The following CGNL1 variants were observed in gnomAD, a reference collection of about 807,000 sequenced individuals.
CGNL1 encodes the protein cingulin-like protein 1.
In CGNL1, 132 loss-of-function variants were observed where a neutral mutation model predicts 141.2. The ratio of observed to expected loss-of-function variants is 0.93; its 90% CI spans 0.81 to 1.08. CGNL1 has a LOEUF of 1.08. Among genes scored for constraint, CGNL1 ranks in the 50% least tolerant of loss-of-function variants. The pLI, the probability that CGNL1 is intolerant of heterozygous loss-of-function variation, is 0.00. For missense variants in CGNL1, 1,870 were observed against 1,588.6 expected, an observed-to-expected ratio of 1.18 and a Z score of -3.01; for synonymous variants, 690 against 622.1, an observed-to-expected ratio of 1.11 and a Z score of -1.63.
At chr15:57,519,840 C>T (rs1371400323) in intron 10 of CGNL1, among the ~76,000 whole-genome samples, 1 of 152,158 alleles carries the variant, frequency 6.6e-6, no homozygotes, top group African/African-American at 2.4e-5. Flanking sequence ...CACCAAGTCC[C>T]CGGTGCAGCT....
intron 8 of CGNL1, among the ~76,000 whole-genome samples, chr15:57,496,936 C>T (rs1411300897): frequency 6.6e-6 from 1 of 152,160 alleles, no homozygotes; most frequent in Non-Finnish European, 1.5e-5. Flanking sequence ...GGGCCAGGCA[C>T]AGCAACAGCT....
intron 1 of CGNL1, among the ~76,000 whole-genome samples, chr15:57,396,452 T>G (rs1268396145): frequency 1.4e-4 from 21 of 152,114 alleles, no homozygotes; most frequent in Non-Finnish European, 2.2e-4. Flanking sequence ...TTTTAATTTT[T>G]AAAAGAGACA....
chr15:57,544,709 G>A, intron 16 of CGNL1, 112 bp downstream of exon 16: 1 of 1,278,878 alleles, frequency 7.8e-7, no homozygotes, highest in Admixed American at 2.4e-5. Context: ...CTGTGAGGAA[G>A]GCAGAGCAAC....
intron 8 of CGNL1, among the ~76,000 whole-genome samples, chr15:57,480,985 C>CT (rs1595749470): frequency 6.7e-6 from 1 of 149,304 alleles, no homozygotes; most frequent in East Asian, 2.0e-4. Flanking sequence ...AATGCCTTCT[C>CT]TTTGTATCCA....
At chr15:57,547,283 C>A in intron 18 of CGNL1, 72 bp from the exon 19 acceptor site, 1 of 1,567,844 alleles carries the variant, frequency 6.4e-7, no homozygotes, top group Non-Finnish European at 8.7e-7. Flanking sequence ...ACCCAAAACC[C>A]TCCCTTTAAG....
At chr15:57,435,622 T>A (rs549857205) in intron 1 of CGNL1, among the ~76,000 whole-genome samples, 1 of 152,284 alleles carries the variant, frequency 6.6e-6, no homozygotes, top group East Asian at 1.9e-4. Context: ...GAGTTGTTCC[T>A]ATCTTTAAAG....
intron 8 of CGNL1, among the ~76,000 whole-genome samples, chr15:57,493,861 A>G (rs899771127): frequency 6.6e-6 from 1 of 152,254 alleles, no homozygotes; most frequent in Non-Finnish European, 1.5e-5. Context: ...AATAAAAAGT[A>G]GTTATGGAGC....
At chr15:57,399,766 G>A (rs1343100395) in intron 1 of CGNL1, among the ~76,000 whole-genome samples, 2 of 152,052 alleles carry the variant, frequency 1.3e-5, no homozygotes, top group Non-Finnish European at 2.9e-5. Context: ...CACTCTGGGC[G>A]GGGAGCCTCC....
intron 17 of CGNL1, 68 bp from the exon 18 acceptor site, chr15:57,546,008 C>T (rs2032842950): frequency 6.5e-7 from 1 of 1,538,230 alleles, no homozygotes; most frequent in Non-Finnish European, 8.8e-7. Context: ...GTGGCTGGAC[C>T]TGGGGTAAGC....
At chr15:57,379,602 T>C (rs77962859) in intron 1 of CGNL1, among the ~76,000 whole-genome samples, 15,338 of 152,190 alleles carry the variant, frequency 0.1, 880 homozygotes, top group Admixed American at 0.16. Context: ...AATATCCAAC[T>C]GATTTTATGC....
chr15:57,514,755 T>C (rs932781644), intron 8 of CGNL1, among the ~76,000 whole-genome samples: 3 of 152,222 alleles, frequency 2.0e-5, no homozygotes, highest in African/African-American at 7.2e-5. Flanking sequence ...GGGCCTATGA[T>C]CCATTTTGAG....
chr15:57,441,550 G>A (rs1193253464), intron 3 of CGNL1, among the ~76,000 whole-genome samples: 1 of 152,002 alleles, frequency 6.6e-6, no homozygotes, highest in East Asian at 1.9e-4. Flanking sequence ...TGTATTTTTA[G>A]TAGAGACACA....
intron 14 of CGNL1, among the ~76,000 whole-genome samples, chr15:57,537,468 T>C (rs1286451089): frequency 1.3e-5 from 2 of 152,052 alleles, no homozygotes; most frequent in Non-Finnish European, 1.5e-5. Context: ...GAAATGCTCC[T>C]AATCTCAGAA....
At chr15:57,376,717 C>G (rs1026777832) in intron 1 of CGNL1, 150 bp downstream of exon 1, 6 of 151,536 alleles carry the variant, frequency 4.0e-5, no homozygotes, top group African/African-American at 1.5e-4. Context: ...CTCGGTGACC[C>G]GCGCCGCGCG....
intron 8 of CGNL1, among the ~76,000 whole-genome samples, chr15:57,509,210 A>G (rs2016768368): frequency 1.3e-5 from 2 of 152,188 alleles, no homozygotes; most frequent in South Asian, 4.1e-4. Flanking sequence ...AGTACCTCTC[A>G]GCTGGGATCC....
intron 1 of CGNL1, among the ~76,000 whole-genome samples, chr15:57,396,277 G>GTTT (rs57154500): frequency 2.3e-5 from 3 of 129,218 alleles, no homozygotes; most frequent in African/African-American, 5.9e-5. Context: ...TTCTTTCTTT[G>GTTT]TTTTTTTTTT....
chr15:57,453,862 G>T (rs751587530), intron 7 of CGNL1, 44 bp downstream of exon 7: 1 of 1,606,486 alleles, frequency 6.2e-7, no homozygotes, highest in African/African-American at 1.3e-5. Context: ...GGCCCCACCT[G>T]CCTGGAAAGA....
intron 1 of CGNL1, among the ~76,000 whole-genome samples, chr15:57,436,459 G>T (rs1479069915): frequency 1.3e-5 from 2 of 152,220 alleles, no homozygotes; most frequent in Admixed American, 1.3e-4. Flanking sequence ...TGGAAAGATA[G>T]AAGGGGTGCT....
At chr15:57,504,184 C>A (rs1162477181) in intron 8 of CGNL1, among the ~76,000 whole-genome samples, 3 of 152,198 alleles carry the variant, frequency 2.0e-5, no homozygotes, top group African/African-American at 7.2e-5. Flanking sequence ...ACAGTGCACG[C>A]CTGGCCACAT....
Sources: allele counts gnomAD v4.1 joint callset (sites outside exome capture counted in the v4.1 genomes callset), GRCh38; gene constraint gnomAD v4.1.1; transcripts MANE v1.5; gene names NCBI Gene and HGNC (gene_info 2026-07-23, HGNC 2026-07-21).